DLG2: variants seen among roughly 807,000 people sequenced by gnomAD.
The protein encoded by DLG2 is discs large MAGUK scaffold protein 2.
In DLG2, 45 loss-of-function variants were observed where a neutral mutation model predicts 132.5. The ratio of observed to expected loss-of-function variants is 0.34; its 90% CI spans 0.27 to 0.44. The LOEUF is 0.44. Ranked by LOEUF, DLG2 falls within the 20% of genes least tolerant of loss-of-function variation. DLG2 has a pLI of 1.00. For synonymous variants in DLG2, 424 were observed against 419.6 expected, an observed-to-expected ratio of 1.01 and a Z score of -0.13; for missense variants, 1,045 against 1,196.9, an observed-to-expected ratio of 0.87 and a Z score of 1.87.
chr11:84,317,930 ATTCT>A (rs920110953), intron 7 of DLG2, among the ~76,000 whole-genome samples: 1 of 152,184 alleles, frequency 6.6e-6, no homozygotes, highest in African/African-American at 2.4e-5. Context: ...ACGATTATTA[ATTCT>A]TTCTTATTCA....
At chr11:83,939,754 T>A (rs1014383087) in intron 14 of DLG2, among the ~76,000 whole-genome samples, 1 of 152,198 alleles carries the variant, frequency 6.6e-6, no homozygotes, top group East Asian at 1.9e-4. Flanking sequence ...TTTTCTAAAG[T>A]AGAATTCAAA....
At chr11:84,383,245 G>A (rs191132838) in intron 7 of DLG2, among the ~76,000 whole-genome samples, 23 of 151,596 alleles carry the variant, frequency 1.5e-4, no homozygotes, top group African/African-American at 4.8e-4. Context: ...GTGTTAGCAC[G>A]GCGTCCATTC....
chr11:83,964,728 C>A (rs1425277840), intron 13 of DLG2, among the ~76,000 whole-genome samples: 1 of 151,964 alleles, frequency 6.6e-6, no homozygotes, highest in Admixed American at 6.6e-5. Context: ...AGGACCCCAG[C>A]ATAGTCTCAT....
chr11:85,439,154 G>T (rs1003104471), intron 3 of DLG2, among the ~76,000 whole-genome samples: 42 of 152,020 alleles, frequency 2.8e-4, no homozygotes, highest in Admixed American at 8.5e-4. Flanking sequence ...TCACATATAA[G>T]ATTTTGTGTG....
chr11:83,556,679 A>AT (rs2096526560), intron 19 of DLG2, among the ~76,000 whole-genome samples: 1 of 152,058 alleles, frequency 6.6e-6, no homozygotes, highest in Non-Finnish European at 1.5e-5. Context: ...GCCCGATACC[A>AT]TTTTTTGCAT....
chr11:85,113,396 T>C (rs1279078382), intron 5 of DLG2, among the ~76,000 whole-genome samples: 2 of 152,046 alleles, frequency 1.3e-5, no homozygotes, highest in East Asian at 1.9e-4. Context: ...GTGTTTCAAC[T>C]TCTGCGGTGC....
chr11:84,107,804 C>T (rs191099686), intron 9 of DLG2, among the ~76,000 whole-genome samples: 22 of 152,200 alleles, frequency 1.4e-4, no homozygotes, highest in African/African-American at 4.6e-4. Flanking sequence ...GAAGTCAGGA[C>T]ATCAGAGGGA....
intron 6 of DLG2, among the ~76,000 whole-genome samples, chr11:84,833,620 T>A (rs2079322834): frequency 6.7e-6 from 1 of 148,306 alleles, no homozygotes; most frequent in Admixed American, 6.7e-5. Context: ...AACAACAGGG[T>A]GATGAAAAAA....
intron 14 of DLG2, among the ~76,000 whole-genome samples, chr11:83,948,267 G>A (rs1433266151): frequency 6.6e-6 from 1 of 152,122 alleles, no homozygotes; most frequent in African/African-American, 2.4e-5. Context: ...CTACTTCAAG[G>A]TCAATCCAAT....
At chr11:85,331,267 C>T (rs1294937198) in intron 3 of DLG2, among the ~76,000 whole-genome samples, 6 of 152,020 alleles carry the variant, frequency 3.9e-5, no homozygotes, top group Non-Finnish European at 7.4e-5. Flanking sequence ...TGTAAATAGA[C>T]GCCCTATAAA....
At chr11:85,058,283 A>G (rs1593367221) in intron 6 of DLG2, among the ~76,000 whole-genome samples, 1 of 151,744 alleles carries the variant, frequency 6.6e-6, no homozygotes, top group Admixed American at 6.6e-5. Context: ...AAATTTAAAA[A>G]TGATACAGTT....
At chr11:85,300,047 C>A (rs2079489920) in intron 3 of DLG2, among the ~76,000 whole-genome samples, 1 of 152,058 alleles carries the variant, frequency 6.6e-6, no homozygotes, top group South Asian at 2.1e-4. Flanking sequence ...TCACTCATTT[C>A]TTCAACAAAT....
chr11:83,520,102 C>T (rs911705418), intron 21 of DLG2, among the ~76,000 whole-genome samples: 17 of 152,142 alleles, frequency 1.1e-4, no homozygotes, highest in Admixed American at 3.3e-4. Context: ...TCAAACAGGA[C>T]GTGTTAGTAA....
intron 15 of DLG2, among the ~76,000 whole-genome samples, chr11:83,886,077 G>C (rs533010423): frequency 6.6e-6 from 1 of 152,142 alleles, no homozygotes; most frequent in Non-Finnish European, 1.5e-5. Context: ...CATAATGACA[G>C]GATCAAATTC....
chr11:85,407,058 G>T (rs2088819795), intron 3 of DLG2, among the ~76,000 whole-genome samples: 2 of 151,836 alleles, frequency 1.3e-5, no homozygotes, highest in Non-Finnish European at 2.9e-5. Context: ...GAGTATTCTT[G>T]GCAGCTTACA....
intron 7 of DLG2, among the ~76,000 whole-genome samples, chr11:84,507,586 A>G (rs1428331261): frequency 6.6e-6 from 1 of 152,208 alleles, no homozygotes; most frequent in Non-Finnish European, 1.5e-5. Flanking sequence ...TTGCCCATTC[A>G]GTATGATGTT....
intron 7 of DLG2, among the ~76,000 whole-genome samples, chr11:84,302,370 T>C (rs1178185980): frequency 2.6e-5 from 4 of 152,114 alleles, no homozygotes; most frequent in Non-Finnish European, 5.9e-5. Flanking sequence ...AAGAAAAATA[T>C]TTTTCTAACT....
rs142115866 is a variant in DLG2, at chr11:85,322,223, G to A, written c.41-36858C>T. ...AGTGTACTGATTCCTCTACATCACC[G>A]CCACCCATAAGCCCCTTTCCGTGTA... On this transcript the variant is annotated intron_variant, in intron 3 of 27. Transcript: ENST00000376104. Among the ~76,000 whole-genome samples the A allele has an allele frequency of 2.2e-3, 333 of 151,876 alleles. 1 individual carries two copies. The highest frequency in any genetic ancestry group is 7.8e-3 in the African/African-American group (322 of 41,424).
At chr11:84,680,869 C>T (rs560379270) in intron 6 of DLG2, among the ~76,000 whole-genome samples, 2 of 152,172 alleles carry the variant, frequency 1.3e-5, no homozygotes, top group South Asian at 2.1e-4. Context: ...AATGCTAGAA[C>T]CCAAGTTGAG....
Sources: gnomAD v4.1 joint callset for allele counts (sites outside exome capture counted in the v4.1 genomes callset) on GRCh38, gnomAD v4.1.1 for gene constraint, MANE v1.5 for transcripts, NCBI Gene and HGNC (gene_info 2026-07-23, HGNC 2026-07-21) for gene names.